CMIP: variants seen among roughly 807,000 people sequenced by gnomAD.
The protein encoded by CMIP is c-Maf inducing protein, also known as C-Maf-inducing protein.
CMIP carries 13 observed loss-of-function variants against 97.3 expected under a neutral mutation model. That is an observed-to-expected ratio of 0.13 (90% CI 0.09 to 0.21). CMIP has a LOEUF of 0.21. CMIP is among the 10% of genes least tolerant of loss of function. The probability of loss-of-function intolerance (pLI) is 1.00; values close to 1 mark genes in which losing one functional copy is unlikely to be tolerated. For missense variants in CMIP, 847 were observed against 1,024.9 expected (o/e 0.83, Z 2.37); for synonymous variants, 538 against 436.3 (o/e 1.23, Z -2.91).
intron 1 of CMIP, among the ~76,000 whole-genome samples, chr16:81,508,887 G>A (rs992826022): frequency 6.6e-6 from 1 of 152,208 alleles, no homozygotes; most frequent in Non-Finnish European, 1.5e-5. Context: ...GGGTTGGGAA[G>A]TACTTAGGAG....
intron 1 of CMIP, among the ~76,000 whole-genome samples, chr16:81,598,706 C>G (rs1201645238): frequency 6.6e-6 from 1 of 152,150 alleles, no homozygotes; most frequent in Non-Finnish European, 1.5e-5. Flanking sequence ...GTGGCTCACA[C>G]CTGTAATCCC....
intron 1 of CMIP, among the ~76,000 whole-genome samples, chr16:81,465,576 G>T (rs1907154350): frequency 6.6e-6 from 1 of 152,232 alleles, no homozygotes; most frequent in South Asian, 2.1e-4. Flanking sequence ...TGCTCAATAA[G>T]TATTTGTTGA....
intron 3 of CMIP, among the ~76,000 whole-genome samples, chr16:81,640,160 G>A (rs2150987055): frequency 1.3e-5 from 2 of 152,236 alleles, no homozygotes; most frequent in Middle Eastern, 6.8e-3. Flanking sequence ...AGGTGCCCAG[G>A]TGTGCCGTTT....
intron 1 of CMIP, among the ~76,000 whole-genome samples, chr16:81,579,506 CTG>C (rs1212270712): frequency 6.6e-6 from 1 of 152,164 alleles, no homozygotes; most frequent in Non-Finnish European, 1.5e-5. Flanking sequence ...CAGCAGAACC[CTG>C]CCAGGCCCTT....
chr16:81,610,378 A>C (rs1270123676), intron 2 of CMIP: 1 of 985,484 alleles, frequency 1.0e-6, no homozygotes, highest in South Asian at 4.7e-5. Context: ...CTGCCCCCTG[A>C]TCCCGTGGAC....
At chr16:81,472,733 C>T (rs1018452367) in intron 1 of CMIP, among the ~76,000 whole-genome samples, 8 of 152,202 alleles carry the variant, frequency 5.3e-5, no homozygotes, top group African/African-American at 1.9e-4. Context: ...GAGGCAGGAG[C>T]TGATCCTGTG....
chr16:81,589,597 T>C (rs994184976), intron 1 of CMIP, among the ~76,000 whole-genome samples: 2 of 152,108 alleles, frequency 1.3e-5, no homozygotes, highest in East Asian at 3.9e-4. Flanking sequence ...TGTGGGACGA[T>C]GCAGGCATGC....
intron 1 of CMIP, among the ~76,000 whole-genome samples, chr16:81,573,741 C>G (rs1286526519): frequency 2.6e-5 from 4 of 152,136 alleles, no homozygotes; most frequent in Admixed American, 1.3e-4. Flanking sequence ...TAAAATGGGC[C>G]TTGTTGTCAT....
chr16:81,504,812 A>G (rs1193918537), intron 1 of CMIP, among the ~76,000 whole-genome samples: 1 of 152,226 alleles, frequency 6.6e-6, no homozygotes. Context: ...TGAGGAGAGC[A>G]AGAGTGAGGG....
chr16:81,690,164 T>C (rs1393699342), intron 10 of CMIP, among the ~76,000 whole-genome samples: 1 of 152,222 alleles, frequency 6.6e-6, no homozygotes, highest in Non-Finnish European at 1.5e-5. Flanking sequence ...ATATGAACTT[T>C]AAAGTAGTTT....
At chr16:81,540,046 C>T (rs1230842578) in intron 1 of CMIP, among the ~76,000 whole-genome samples, 3 of 152,148 alleles carry the variant, frequency 2.0e-5, no homozygotes, top group Admixed American at 6.5e-5. Flanking sequence ...AAGTAGTTCT[C>T]TAATTTGCAC....
intron 1 of CMIP, among the ~76,000 whole-genome samples, chr16:81,535,785 G>A (rs1349303363): frequency 6.6e-6 from 1 of 151,914 alleles, no homozygotes; most frequent in Non-Finnish European, 1.5e-5. Context: ...ATAAATTACC[G>A]AGGTCACCCC....
At chr16:81,509,595 G>A (rs2089773509) in intron 1 of CMIP, among the ~76,000 whole-genome samples, 1 of 152,176 alleles carries the variant, frequency 6.6e-6, no homozygotes, top group African/African-American at 2.4e-5. Context: ...CGCCCACTCT[G>A]TCCGCCTCCC....
chr16:81,497,457 C>T (rs1423575209), intron 1 of CMIP, among the ~76,000 whole-genome samples: 1 of 152,216 alleles, frequency 6.6e-6, no homozygotes, highest in African/African-American at 2.4e-5. Flanking sequence ...TGTTTCTAAA[C>T]AACCCCCGAA....
intron 1 of CMIP, among the ~76,000 whole-genome samples, chr16:81,556,422 T>C (rs1301385713): frequency 6.6e-6 from 1 of 152,208 alleles, no homozygotes; most frequent in Non-Finnish European, 1.5e-5. Flanking sequence ...ATGGATCACA[T>C]AGTAACTTGG....
chr16:81,539,202 C>A (rs927877240), intron 1 of CMIP, among the ~76,000 whole-genome samples: 2 of 152,114 alleles, frequency 1.3e-5, no homozygotes, highest in African/African-American at 4.8e-5. Context: ...ATGCTTGCAG[C>A]AGGGATTTTC....
intron 1 of CMIP, among the ~76,000 whole-genome samples, chr16:81,492,325 G>T (rs1030244009): frequency 6.6e-6 from 1 of 152,198 alleles, no homozygotes; most frequent in Non-Finnish European, 1.5e-5. Flanking sequence ...TGTTGAAAAT[G>T]GTGCAGTGTT....
chr16:81,647,961 AGCC>A (rs2092383903), intron 3 of CMIP, among the ~76,000 whole-genome samples: 1 of 30,658 alleles, frequency 3.3e-5, no homozygotes, highest in Non-Finnish European at 6.2e-5. Context: ...GCACCCGCAG[AGCC>A]GTAGCCCACC....
intron 1 of CMIP, among the ~76,000 whole-genome samples, chr16:81,535,436 C>G (rs1206483375): frequency 6.7e-6 from 1 of 149,872 alleles, no homozygotes; most frequent in Non-Finnish European, 1.5e-5. Flanking sequence ...TCTTTCCTGT[C>G]ACTTCTGCTC....
Sources: gnomAD v4.1 joint callset for allele counts (sites outside exome capture counted in the v4.1 genomes callset) on GRCh38, gnomAD v4.1.1 for gene constraint, MANE v1.5 for transcripts, NCBI Gene and HGNC (gene_info 2026-07-23, HGNC 2026-07-21) for gene names.